AUH: variants seen among roughly 807,000 people sequenced by gnomAD.
The protein encoded by AUH is methylglutaconyl-CoA hydratase, mitochondrial.
Under a neutral mutation model 42.3 loss-of-function variants are expected in AUH, and 29 were observed. That is an observed-to-expected ratio of 0.69 (90% CI 0.51 to 0.93). The LOEUF (loss-of-function observed/expected upper bound fraction) is 0.93. Among genes scored for constraint, AUH ranks in the 40% least tolerant of loss-of-function variants. AUH has a pLI of 0.00. For missense variants in AUH, 452 were observed against 438.1 expected (o/e 1.03, Z -0.28); for synonymous variants, 174 against 166.4 (o/e 1.05, Z -0.35).
intron 1 of AUH, among the ~76,000 whole-genome samples, chr9:91,356,497 G>A (rs1197008363): frequency 6.6e-6 from 1 of 152,078 alleles, no homozygotes; most frequent in Non-Finnish European, 1.5e-5. Flanking sequence ...GCTTTTTCTA[G>A]GACCAGTTGT....
Position 91,298,085 on chromosome 9 carries a change from G to A in AUH, c.506-9C>T, listed in dbSNP as rs537751591. 1.1e-5 allele frequency: 17 copies of A among 1,602,122 alleles called. No homozygotes were observed. The South Asian group carries it at 1.9e-4, about 18-fold the overall frequency. ...TGGTACTGGAAGATTAGCTGAAATG[G>A]AAAGAAAATTTTATGCTTCCTTAAT... On this transcript the variant is annotated splice_polypyrimidine_tract_variant and intron_variant, in intron 4 of 9. Transcript: ENST00000375731.
At chr9:91,270,172 C>G (rs886799144) in intron 6 of AUH, among the ~76,000 whole-genome samples, 2 of 152,192 alleles carry the variant, frequency 1.3e-5, no homozygotes, top group Non-Finnish European at 2.9e-5. Flanking sequence ...GGAAGACTCT[C>G]AGAGACCATC....
chr9:91,346,251 C>G (rs1365781371), intron 3 of AUH, among the ~76,000 whole-genome samples: 1 of 152,236 alleles, frequency 6.6e-6, no homozygotes, highest in Middle Eastern at 3.4e-3. Context: ...CTACCCACAC[C>G]TTCAGGGAGT....
At position 91,323,981 on chromosome 9, in the gene AUH, G is replaced by A. The variant is rs949868631; in HGVS notation, c.505+1337C>T. Among the ~76,000 whole-genome samples the A allele has an allele frequency of 2.7e-4, 41 of 152,000 alleles. 1 individual carries two copies. Among genetic ancestry groups the A allele is most frequent in the African/African-American group, 8.9e-4 (37 of 41,376 alleles). ...AATTCATTTGGAAAAACTGATGTGCGAGAATCAACAGAGAAAACCTTCAAG... is the reference window on the plus strand; with the variant it reads ...AATTCATTTGGAAAAACTGATGTGCAAGAATCAACAGAGAAAACCTTCAAG... On this transcript the variant is annotated intron_variant, in intron 4 of 9. Transcript: ENST00000375731.
At chr9:91,245,749 G>A (rs186451170) in intron 6 of AUH, among the ~76,000 whole-genome samples, 3 of 152,298 alleles carry the variant, frequency 2.0e-5, no homozygotes, top group Admixed American at 2.0e-4. Flanking sequence ...CCACACAGAT[G>A]AGAAAACGGA....
intron 6 of AUH, among the ~76,000 whole-genome samples, chr9:91,279,319 T>G (rs570464931): frequency 2.6e-5 from 4 of 152,294 alleles, no homozygotes; most frequent in Non-Finnish European, 4.4e-5. Context: ...GAAACTGAGA[T>G]AAATAATACA....
At chr9:91,257,035 TG>T (rs1173622162) in intron 6 of AUH, among the ~76,000 whole-genome samples, 2 of 152,194 alleles carry the variant, frequency 1.3e-5, no homozygotes, top group Non-Finnish European at 2.9e-5. Context: ...GTGTTGCTCT[TG>T]TCTCTGAGGT....
intron 4 of AUH, among the ~76,000 whole-genome samples, chr9:91,298,368 C>A (rs1297339045): frequency 6.6e-6 from 1 of 152,156 alleles, no homozygotes; most frequent in Non-Finnish European, 1.5e-5. Context: ...CACAGTTCTA[C>A]GATTTCTTAA....
Position 91,311,698 on chromosome 9 carries a change from A to G in AUH, c.505+13620T>C, listed in dbSNP as rs543081308. On this transcript the variant is annotated intron_variant, in intron 4 of 9. Transcript: ENST00000375731. ...TTAACATGTCCACTCCCCATATTCT[A>G]TACTGCTAATGTGCACAATATGGGT... 4.6e-5 allele frequency among the ~76,000 whole-genome samples: 7 copies of G among 152,300 alleles called. No homozygotes were observed. In the South Asian group the frequency reaches 1.5e-3, roughly 32 times the overall value.
intron 1 of AUH, among the ~76,000 whole-genome samples, chr9:91,357,137 C>G (rs1346940338): frequency 6.6e-6 from 1 of 152,220 alleles, no homozygotes; most frequent in East Asian, 1.9e-4. Flanking sequence ...GGACTGCTAT[C>G]TGACAGGATC....
intron 6 of AUH, among the ~76,000 whole-genome samples, chr9:91,233,785 A>G (rs758229942): frequency 1.4e-3 from 219 of 152,288 alleles, no homozygotes; most frequent in Non-Finnish European, 2.3e-3. Context: ...TGTCTTCTGT[A>G]TAAGGTTACA....
intron 1 of AUH, 121 bp downstream of exon 1, chr9:91,361,507 A>C (rs1055449823): frequency 7.3e-7 from 1 of 1,364,248 alleles, no homozygotes; most frequent in Non-Finnish European, 9.8e-7. Flanking sequence ...GGAGGGACCC[A>C]GGTTCGGTGC....
At chr9:91,266,720 A>G (rs1040898308) in intron 6 of AUH, among the ~76,000 whole-genome samples, 1 of 152,222 alleles carries the variant, frequency 6.6e-6, no homozygotes, top group Non-Finnish European at 1.5e-5. Context: ...CACAGAGTCC[A>G]GTACTCTTCT....
At chr9:91,253,983 C>G (rs550369923) in intron 6 of AUH, among the ~76,000 whole-genome samples, 12 of 152,044 alleles carry the variant, frequency 7.9e-5, no homozygotes, top group Non-Finnish European at 1.5e-4. Context: ...AAAATAATTA[C>G]ATTTCCAACT....
At chr9:91,259,788 G>C (rs1829612260) in intron 6 of AUH, among the ~76,000 whole-genome samples, 1 of 152,070 alleles carries the variant, frequency 6.6e-6, no homozygotes, top group Non-Finnish European at 1.5e-5. Context: ...TGGTGTCAGA[G>C]AATATATTCT....
chr9:91,307,076 T>C lies in AUH; in HGVS notation c.506-9000A>G, dbSNP rs117778277. On this transcript the variant is annotated intron_variant, in intron 4 of 9. Coordinates refer to ENST00000375731, the MANE Select transcript of AUH (RefSeq NM_001698.3). ...AGTTCAGTAATTGCCTGAGGATAAG[T>C]TGAGGGTAGCAGGGAGGGGCAAAAG... 3.0e-3 allele frequency among the ~76,000 whole-genome samples: 461 copies of C among 152,140 alleles called. 2 individuals are homozygous for C. Among genetic ancestry groups the C allele is most frequent in the Non-Finnish European group, 4.2e-3 (284 of 67,976 alleles).
At chr9:91,299,210 C>T (rs576765470) in intron 4 of AUH, among the ~76,000 whole-genome samples, 104 of 152,228 alleles carry the variant, frequency 6.8e-4, no homozygotes, top group African/African-American at 2.4e-3. Context: ...CAGAGTGAGA[C>T]TGTCTCAAAA....
intron 6 of AUH, among the ~76,000 whole-genome samples, chr9:91,239,536 A>G (rs1245449376): frequency 1.3e-5 from 2 of 152,194 alleles, no homozygotes; most frequent in Admixed American, 1.3e-4. Flanking sequence ...TGCTTACAAA[A>G]CTAACTTCCT....
chr9:91,276,584 T>C (rs1187872761), intron 6 of AUH, among the ~76,000 whole-genome samples: 1 of 152,202 alleles, frequency 6.6e-6, no homozygotes, highest in Non-Finnish European at 1.5e-5. Flanking sequence ...GTCATTATTT[T>C]TTCGAAACTC....
Sources: gnomAD v4.1 joint callset for allele counts (sites outside exome capture counted in the v4.1 genomes callset) on GRCh38, gnomAD v4.1.1 for gene constraint, MANE v1.5 for transcripts, NCBI Gene and HGNC (gene_info 2026-07-23, HGNC 2026-07-21) for gene names.